The following JAZF1 variants were observed in gnomAD, a reference collection of about 807,000 sequenced individuals.
The protein encoded by JAZF1 is JAZF zinc finger 1.
In JAZF1, 8 loss-of-function variants were observed where a neutral mutation model predicts 26.4. That is an observed-to-expected ratio of 0.30 (90% CI 0.18 to 0.55). The LOEUF is 0.55. Among genes scored for constraint, JAZF1 ranks in the 20% least tolerant of loss-of-function variants. The probability of loss-of-function intolerance (pLI) is 0.94; values close to 1 mark genes in which losing one functional copy is unlikely to be tolerated. For missense variants in JAZF1, 199 were observed against 322.0 expected (o/e 0.62, Z 2.92); for synonymous variants, 126 against 122.3 (o/e 1.03, Z -0.20).
At chr7:28,089,241 G>A (rs766464116) in intron 1 of JAZF1, among the ~76,000 whole-genome samples, 5 of 152,164 alleles carry the variant, frequency 3.3e-5, no homozygotes, top group Non-Finnish European at 5.9e-5. Context: ...CCTATGATGG[G>A]ATTAATACTC....
chr7:27,837,865 AAGTC>A (rs1164295040), intron 4 of JAZF1, among the ~76,000 whole-genome samples: 1 of 152,090 alleles, frequency 6.6e-6, no homozygotes, highest in Non-Finnish European at 1.5e-5. Context: ...CAAATTTACA[AAGTC>A]AGAAGAAAGC....
At chr7:28,104,146 C>T (rs1246600218) in intron 1 of JAZF1, among the ~76,000 whole-genome samples, 2 of 152,150 alleles carry the variant, frequency 1.3e-5, no homozygotes, top group Non-Finnish European at 2.9e-5. Flanking sequence ...CCACTTCCTG[C>T]AGGTCATTAC....
rs547777902 is a variant in JAZF1, at chr7:28,047,708, T to G, written c.116-55727A>C. On this transcript the variant is annotated intron_variant, in intron 1 of 4. Coordinates refer to ENST00000283928, the MANE Select transcript of JAZF1 (RefSeq NM_175061.4). ...TCCATTGCTTCTGATATTTATCATA[T>G]ATGGAGATGATCATATGGATTCTGG... is the stretch of plus-strand genomic sequence containing the variant. Among the ~76,000 whole-genome samples the G allele has an allele frequency of 3.3e-5, 5 of 152,284 alleles. No homozygotes were observed. In the South Asian group the frequency reaches 1.0e-3, roughly 32 times the overall value.
chr7:27,886,340 C>T (rs1783862273), intron 3 of JAZF1, among the ~76,000 whole-genome samples: 1 of 152,166 alleles, frequency 6.6e-6, no homozygotes, highest in Non-Finnish European at 1.5e-5. Flanking sequence ...TCCCAGAGTT[C>T]TGGAGGGTCT....
At chr7:28,006,266 G>C (rs1782698128) in intron 1 of JAZF1, among the ~76,000 whole-genome samples, 1 of 152,120 alleles carries the variant, frequency 6.6e-6, no homozygotes. Flanking sequence ...CTACTCAGGA[G>C]GCTGAGTCAG....
At chr7:27,870,437 T>A (rs1307414470) in intron 3 of JAZF1, among the ~76,000 whole-genome samples, 2 of 152,120 alleles carry the variant, frequency 1.3e-5, no homozygotes, top group Middle Eastern at 3.2e-3. Flanking sequence ...TTGATGAGTC[T>A]CTCCTACACA....
chr7:28,137,026 C>T (rs943297680), intron 1 of JAZF1, among the ~76,000 whole-genome samples: 7 of 152,182 alleles, frequency 4.6e-5, no homozygotes, highest in African/African-American at 1.7e-4. Flanking sequence ...CACTTTCCTG[C>T]CCAACAGCCC....
chr7:28,131,934 T>C (rs1782800943), intron 1 of JAZF1, among the ~76,000 whole-genome samples: 1 of 152,232 alleles, frequency 6.6e-6, no homozygotes, highest in African/African-American at 2.4e-5. Flanking sequence ...TTCAAATTTA[T>C]TGTACTAAAC....
Position 28,180,356 on chromosome 7 carries a change from C to G in JAZF1, c.115+107G>C. Reference sequence around the variant, plus strand: ...TCGGGGCTCGCACGCGCCCTCCCCGCCCTGCCGCCTCCCTCCCCGCCGGCC... The same window carrying G: ...TCGGGGCTCGCACGCGCCCTCCCCGGCCTGCCGCCTCCCTCCCCGCCGGCC... On this transcript the variant is annotated intron_variant, in intron 1 of 4. Coordinates refer to ENST00000283928, the MANE Select transcript of JAZF1 (RefSeq NM_175061.4). 7 of 771,150 alleles carry G rather than the reference C, an allele frequency of 9.1e-6. No individual in the cohort carries two copies. The South Asian group carries it at 1.1e-4, about 12-fold the overall frequency. The allele number at this position is 771,150 out of a possible 1,614,324, so 47.8% of individuals were successfully genotyped here.
chr7:28,106,264 G>C (rs1417344514), intron 1 of JAZF1, among the ~76,000 whole-genome samples: 1 of 152,052 alleles, frequency 6.6e-6, no homozygotes, highest in Non-Finnish European at 1.5e-5. Flanking sequence ...ACTTGCTTTT[G>C]GTATTGGTTT....
At chr7:27,900,290 C>T (rs557943322) in intron 2 of JAZF1, among the ~76,000 whole-genome samples, 6 of 152,190 alleles carry the variant, frequency 3.9e-5, no homozygotes, top group South Asian at 2.1e-4. Flanking sequence ...AACTAAATGA[C>T]GTAAATAATT....
chr7:27,859,056 G>C (rs1783327393), intron 3 of JAZF1, among the ~76,000 whole-genome samples: 1 of 152,174 alleles, frequency 6.6e-6, no homozygotes. Context: ...CCATCAAAAA[G>C]TGGGCAAAGG....
At chr7:27,837,311 G>A (rs746392328) in intron 4 of JAZF1, among the ~76,000 whole-genome samples, 3 of 152,190 alleles carry the variant, frequency 2.0e-5, no homozygotes, top group Admixed American at 6.5e-5. Flanking sequence ...GAATTCAGGC[G>A]AGCATGAGCA....
intron 3 of JAZF1, among the ~76,000 whole-genome samples, chr7:27,866,152 G>A (rs559109184): frequency 6.6e-6 from 1 of 152,368 alleles, no homozygotes; most frequent in Admixed American, 6.5e-5. Context: ...CTGTGACACA[G>A]TGCACGTAGG....
chr7:28,055,119 C>T (rs1393783881), intron 1 of JAZF1, among the ~76,000 whole-genome samples: 3 of 151,754 alleles, frequency 2.0e-5, no homozygotes, highest in Non-Finnish European at 4.4e-5. Context: ...TATAGACTTA[C>T]TAAATGACAG....
At chr7:28,170,354 TG>T in intron 1 of JAZF1, among the ~76,000 whole-genome samples, 1 of 17,374 alleles carries the variant, frequency 5.8e-5, no homozygotes. Flanking sequence ...TGTGTGTGTG[TG>T]TGTGTGTGTG....
chr7:28,030,914 T>TA (rs1783178686), intron 1 of JAZF1, among the ~76,000 whole-genome samples: 1 of 152,202 alleles, frequency 6.6e-6, no homozygotes, highest in Non-Finnish European at 1.5e-5. Flanking sequence ...TCTTATGATA[T>TA]ATTCAGATAA....
chr7:28,116,435 G>C (rs1394565232), intron 1 of JAZF1, among the ~76,000 whole-genome samples: 2 of 152,218 alleles, frequency 1.3e-5, no homozygotes, highest in East Asian at 3.9e-4. Flanking sequence ...TGAAAACAAT[G>C]TATTTCTTTC....
rs544159349 is a variant in JAZF1, at chr7:27,893,365, G to A, written c.385+1855C>T. On this transcript the variant is annotated intron_variant, in intron 3 of 4. Coordinates refer to ENST00000283928, the MANE Select transcript of JAZF1 (RefSeq NM_175061.4). ...TCATGGCTAAGGAGATGATGGTGTG[G>A]TTACAAGTGGGTTCTCTTTGCTCTT... is the stretch of plus-strand genomic sequence containing the variant. Among the ~76,000 whole-genome samples, 6 of 152,294 alleles carry A rather than the reference G, an allele frequency of 3.9e-5. No individual in the cohort carries two copies. In the South Asian group the frequency reaches 1.0e-3, roughly 26 times the overall value.
Sources: gnomAD v4.1 joint callset for allele counts (sites outside exome capture counted in the v4.1 genomes callset) on GRCh38, gnomAD v4.1.1 for gene constraint, MANE v1.5 for transcripts, NCBI Gene and HGNC (gene_info 2026-07-23, HGNC 2026-07-21) for gene names.